The following PHF20 variants were observed in gnomAD, a reference collection of about 807,000 sequenced individuals.
PHF20 encodes glioma-expressed antigen 2.
A neutral mutation model predicts 113.5 loss-of-function variants in PHF20; 23 were observed. The observed-to-expected ratio is 0.20, with a 90% CI of 0.15 to 0.29. The LOEUF (loss-of-function observed/expected upper bound fraction) is 0.29, where lower values mean the gene tolerates loss of function less well. PHF20 is among the 10% of genes least tolerant of loss of function. PHF20 has a pLI of 1.00. For missense variants in PHF20, 943 were observed against 1,219.6 expected, an observed-to-expected ratio of 0.77 and a Z score of 3.38; for synonymous variants, 434 against 457.3, an observed-to-expected ratio of 0.95 and a Z score of 0.65.
intron 6 of PHF20, among the ~76,000 whole-genome samples, chr20:35,868,414 A>G (rs2054356132): frequency 6.6e-6 from 1 of 151,956 alleles, no homozygotes. Context: ...AGCCTGGCCA[A>G]CATGGTGAAA....
At chr20:35,876,988 T>A (rs1160057185) in intron 9 of PHF20, among the ~76,000 whole-genome samples, 1 of 151,288 alleles carries the variant, frequency 6.6e-6, no homozygotes, top group Admixed American at 6.6e-5. Flanking sequence ...GCGCCTGTAG[T>A]CCCAGCTACT....
At chr20:35,923,652 A>G (rs2055564622) in intron 13 of PHF20, among the ~76,000 whole-genome samples, 1 of 152,348 alleles carries the variant, frequency 6.6e-6, no homozygotes. Context: ...ATATCCTTCC[A>G]GAAACATTCT....
chr20:35,843,735 AC>A (rs1008089157), intron 3 of PHF20, among the ~76,000 whole-genome samples: 2 of 151,884 alleles, frequency 1.3e-5, no homozygotes, highest in African/African-American at 4.8e-5. Flanking sequence ...GGCCCACCAC[AC>A]CCGGCTAATT....
intron 1 of PHF20, among the ~76,000 whole-genome samples, chr20:35,781,134 G>A (rs996110851): frequency 6.6e-6 from 1 of 151,312 alleles, no homozygotes; most frequent in Non-Finnish European, 1.5e-5. Flanking sequence ...ACAGGCGTGA[G>A]CAAGATTTTA....
In PHF20 at chr20:35,949,738, T is replaced by C. The variant is rs994054386; in HGVS notation, c.*2111T>C. The C allele has an allele frequency of 2.0e-5, 3 of 152,654 alleles. No homozygotes were observed. The highest frequency in any genetic ancestry group is 7.2e-5 in the African/African-American group (3 of 41,458). 9.5% of individuals were successfully genotyped at this position (152,654 alleles called of 1,614,324 possible). ...CACTGGAAACCGTTATTTGCAAACA[T>C]TGCTGTTACCATTTAGAAATATGTG... On this transcript the variant is annotated 3_prime_UTR_variant, in exon 18 of 18. Transcript: ENST00000374012.
rs1231470353 is a variant in PHF20, at chr20:35,948,928, A to G, written c.*1301A>G. ...GTCTGTAATGTTATATGCTGCAAAC[A>G]TTTACTATGTAAACGTGAAGTAGCC... is the stretch of plus-strand genomic sequence containing the variant. On this transcript the variant is annotated 3_prime_UTR_variant, in exon 18 of 18. Coordinates refer to ENST00000374012, the MANE Select transcript of PHF20 (RefSeq NM_016436.5). 6.5e-6 allele frequency: 1 copy of G among 152,672 alleles called. No individual in the cohort carries two copies. The highest frequency in any genetic ancestry group is 1.5e-5 in the Non-Finnish European group (1 of 68,048). The allele number at this position is 152,672 out of a possible 1,614,324, so 9.5% of individuals were successfully genotyped here.
chr20:35,772,606 C>A (rs1301861197), intron 1 of PHF20, among the ~76,000 whole-genome samples: 2 of 152,144 alleles, frequency 1.3e-5, no homozygotes, highest in African/African-American at 4.8e-5. Flanking sequence ...CGGCACACCC[C>A]CTTTCTTAAG....
intron 3 of PHF20, among the ~76,000 whole-genome samples, chr20:35,844,243 C>T (rs571952126): frequency 2.6e-5 from 4 of 151,770 alleles, no homozygotes; most frequent in African/African-American, 9.7e-5. Flanking sequence ...GCTGGGACTA[C>T]AGGTGCGTGC....
chr20:35,890,788 T>C (rs1439325846), intron 9 of PHF20, among the ~76,000 whole-genome samples: 1 of 151,870 alleles, frequency 6.6e-6, no homozygotes. Context: ...GAGGCTGAGG[T>C]AGGAGAATCA....
At chr20:35,825,541 A>T (rs1480662240) in intron 2 of PHF20, among the ~76,000 whole-genome samples, 1 of 152,074 alleles carries the variant, frequency 6.6e-6, no homozygotes, top group Non-Finnish European at 1.5e-5. Flanking sequence ...TTACAGGTGT[A>T]AGCTACCATG....
chr20:35,859,325 G>A (rs2054174015), intron 5 of PHF20, among the ~76,000 whole-genome samples: 1 of 151,966 alleles, frequency 6.6e-6, no homozygotes, highest in South Asian at 2.1e-4. Flanking sequence ...TCTTTTTCGT[G>A]TTTATGTTTT....
chr20:35,900,053 T>G (rs2055066063), intron 10 of PHF20, among the ~76,000 whole-genome samples: 1 of 152,204 alleles, frequency 6.6e-6, no homozygotes, highest in Non-Finnish European at 1.5e-5. Flanking sequence ...GATATGTGAT[T>G]CTACTGCTGG....
chr20:35,844,091 GC>G (rs1303710368), intron 3 of PHF20, among the ~76,000 whole-genome samples: 1 of 151,754 alleles, frequency 6.6e-6, no homozygotes, highest in Non-Finnish European at 1.5e-5. Flanking sequence ...CAAGCAAGTA[GC>G]TCAAGAGCCG....
In PHF20 at chr20:35,914,101, A is replaced by G; in HGVS notation, c.1729A>G (p.Thr577Ala). Residue 577 changes from threonine (T) to alanine (A), a missense_variant, in exon 12 of 18, where the codon ACC (threonine) becomes GCC (alanine). By Grantham distance (58) the Thr-to-Ala change is moderately conservative. Coordinates refer to ENST00000374012, the MANE Select transcript of PHF20 (RefSeq NM_016436.5). ...TTCTCCACCCAAGGCATTTGCTGTT[A>G]CCAGGTGTGGGTCCTCACACAAGCC... ...EPSPPKAFAV[T>A]RCGSSHKPGV... The G allele has an allele frequency of 1.2e-6, 2 of 1,614,132 alleles. No individual in the cohort carries two copies. The highest frequency in any genetic ancestry group is 1.7e-6 in the Non-Finnish European group (2 of 1,180,006).
chr20:35,869,594 G>C (rs1178693941), intron 7 of PHF20, 43 bp downstream of exon 7: 3 of 1,046,428 alleles, frequency 2.9e-6, no homozygotes, highest in Admixed American at 1.8e-5. Flanking sequence ...ATTTGACGTT[G>C]TTTGGGTCAA....
chr20:35,914,172 C>G lies in PHF20; in HGVS notation c.1800C>G (p.His600Gln). Residue 600 changes from histidine to glutamine, a missense_variant, in exon 12 of 18, where the codon CAC becomes CAG. Physicochemically the swap from His to Gln is conservative, Grantham distance 24 (BLOSUM62 0). This residue lies in a region of PHF20 where 592 missense variants were observed against 787.2 expected (regional missense o/e 0.75). Coordinates refer to ENST00000374012, the MANE Select transcript of PHF20 (RefSeq NM_016436.5). ...SPQLHGPESG[H>Q]HKGKVKALEE... ...AGCTTCATGGCCCAGAATCTGGACA[C>G]CACAAAGGGAAAGTGAAAGCATTGG... 6.2e-7 allele frequency: 1 copy of G among 1,614,082 alleles called. No individual in the cohort carries two copies. Among genetic ancestry groups the G allele is most frequent in the Non-Finnish European group, 8.5e-7 (1 of 1,180,018 alleles).
chr20:35,895,914 C>T (rs1005323044), intron 9 of PHF20, among the ~76,000 whole-genome samples: 16 of 151,918 alleles, frequency 1.1e-4, no homozygotes, highest in Admixed American at 3.9e-4. Flanking sequence ...CTGGAATTCC[C>T]GACGTCATAT....
At chr20:35,904,860 T>C (rs1367837064) in intron 10 of PHF20, among the ~76,000 whole-genome samples, 3 of 150,562 alleles carry the variant, frequency 2.0e-5, no homozygotes, top group Non-Finnish European at 4.4e-5. Context: ...AGTTTCACTC[T>C]TGTTGCCCAG....
intron 2 of PHF20, among the ~76,000 whole-genome samples, chr20:35,823,039 G>A (rs1229271214): frequency 2.0e-5 from 3 of 151,502 alleles, no homozygotes; most frequent in African/African-American, 7.3e-5. Context: ...GTGTTGTATT[G>A]TTTATGGATT....
Sources: allele counts gnomAD v4.1 joint callset (sites outside exome capture counted in the v4.1 genomes callset), GRCh38; gene constraint gnomAD v4.1.1; regional missense constraint gnomAD v4.1.1; transcripts MANE v1.5; gene names NCBI Gene and HGNC (gene_info 2026-07-23, HGNC 2026-07-21).